Variants in KCNB2 observed in about 807,000 individuals in gnomAD.
KCNB2 encodes the protein potassium voltage-gated channel subfamily B member 2.
KCNB2 carries 15 observed loss-of-function variants against 61.5 expected under a neutral mutation model. The observed-to-expected ratio is 0.24, with a 90% CI of 0.16 to 0.38. KCNB2 has a LOEUF of 0.38. KCNB2 is among the 10% of genes least tolerant of loss of function. KCNB2 has a pLI of 1.00. For synonymous variants in KCNB2, 457 were observed against 446.0 expected (o/e 1.02, Z -0.31); for missense variants, 828 against 1,125.2 (o/e 0.74, Z 3.78).
chr8:72,917,030 C>T (rs1190022707), intron 2 of KCNB2, among the ~76,000 whole-genome samples: 1 of 152,170 alleles, frequency 6.6e-6, no homozygotes, highest in Non-Finnish European at 1.5e-5. Flanking sequence ...TTTTGGGCCA[C>T]AGTATCAGGC....
chr8:72,560,517 A>G (rs1283694549), intron 1 of KCNB2, among the ~76,000 whole-genome samples: 2 of 151,800 alleles, frequency 1.3e-5, no homozygotes, highest in Non-Finnish European at 2.9e-5. Context: ...TGCCTTCCTT[A>G]TTTTTTTCAT....
chr8:72,893,101 A>G (rs1805927568), intron 2 of KCNB2, among the ~76,000 whole-genome samples: 1 of 140,190 alleles, frequency 7.1e-6, no homozygotes, highest in South Asian at 2.2e-4. Flanking sequence ...CAAGTTGATT[A>G]AAAAAAAAAA....
chr8:72,855,180 C>T (rs886739418), intron 2 of KCNB2, among the ~76,000 whole-genome samples: 40 of 152,158 alleles, frequency 2.6e-4, no homozygotes, highest in African/African-American at 9.4e-4. Flanking sequence ...CTGAATCCAT[C>T]GTCCACAGTA....
chr8:72,815,948 G>T (rs1039386022), intron 2 of KCNB2, among the ~76,000 whole-genome samples: 18 of 152,090 alleles, frequency 1.2e-4, no homozygotes, highest in Non-Finnish European at 8.8e-5. Context: ...AAGTGTAATT[G>T]TTTTGAAATA....
At chr8:72,697,451 G>A (rs569101219) in intron 2 of KCNB2, among the ~76,000 whole-genome samples, 1 of 152,182 alleles carries the variant, frequency 6.6e-6, no homozygotes, top group South Asian at 2.1e-4. Flanking sequence ...GGGAGTCATC[G>A]CTCCCTAAAA....
Position 72,742,777 on chromosome 8 carries a change from A to G in KCNB2, c.579+174464A>G, listed in dbSNP as rs564437858. On this transcript the variant is annotated intron_variant, in intron 2 of 2. Transcript: ENST00000523207. ...ATCTCACATCTCCCATCCTTGGCAG[A>G]GTGGGCCAGAGCCAATGCACGGGAT... 1.9e-3 allele frequency among the ~76,000 whole-genome samples: 285 copies of G among 152,314 alleles called. 2 individuals carry two copies. The highest frequency in any genetic ancestry group is 3.5e-3 in the Non-Finnish European group (239 of 68,032).
intron 2 of KCNB2, among the ~76,000 whole-genome samples, chr8:72,735,243 C>A (rs1310254038): frequency 6.6e-6 from 1 of 152,048 alleles, no homozygotes; most frequent in Non-Finnish European, 1.5e-5. Flanking sequence ...GAATTGGTCA[C>A]CAGGAAGTGA....
chr8:72,889,329 C>A (rs1482386739), intron 2 of KCNB2, among the ~76,000 whole-genome samples: 1 of 152,160 alleles, frequency 6.6e-6, no homozygotes, highest in Non-Finnish European at 1.5e-5. Context: ...ACTAGAGGCA[C>A]GTTTTCACAC....
Position 72,813,547 on chromosome 8 carries a change from AC to A in KCNB2, c.580-122387del, listed in dbSNP as rs200799410. On this transcript the variant is annotated intron_variant, in intron 2 of 2. Coordinates refer to ENST00000523207, the MANE Select transcript of KCNB2 (RefSeq NM_004770.3). The stretch of plus-strand genomic sequence containing the variant: ...GGGAAGAAAGGGCCGTCAAAGGTAA[AC>A]TTTGTCAAATTTACTCATTTACCTG... 2.3e-3 allele frequency among the ~76,000 whole-genome samples: 352 copies of A among 152,242 alleles called. 3 individuals carry two copies. Among genetic ancestry groups the A allele is most frequent in the African/African-American group, 7.9e-3 (330 of 41,546 alleles).
intron 2 of KCNB2, among the ~76,000 whole-genome samples, chr8:72,791,659 G>A (rs1563386389): frequency 6.6e-6 from 1 of 152,176 alleles, no homozygotes; most frequent in Non-Finnish European, 1.5e-5. Context: ...GAAATACAGA[G>A]TTCCCTTTGA....
intron 2 of KCNB2, among the ~76,000 whole-genome samples, chr8:72,613,805 T>G (rs564585048): frequency 4.9e-4 from 75 of 152,346 alleles, no homozygotes; most frequent in Admixed American, 2.5e-3. Flanking sequence ...TCCTTTCTTC[T>G]GCTGTAAATT....
chr8:72,678,606 G>C (rs1404369272), intron 2 of KCNB2, among the ~76,000 whole-genome samples: 2 of 152,222 alleles, frequency 1.3e-5, no homozygotes, highest in African/African-American at 4.8e-5. Context: ...CATCTTACCA[G>C]AGAGCATTCT....
chr8:72,796,925 T>C (rs1809040380), intron 2 of KCNB2, among the ~76,000 whole-genome samples: 1 of 152,190 alleles, frequency 6.6e-6, no homozygotes, highest in Non-Finnish European at 1.5e-5. Context: ...TGATAATTCC[T>C]GAGCAGAGAA....
intron 2 of KCNB2, among the ~76,000 whole-genome samples, chr8:72,616,393 C>T (rs898967688): frequency 2.0e-5 from 3 of 152,184 alleles, no homozygotes; most frequent in Admixed American, 1.3e-4. Flanking sequence ...AAGAGTTAAT[C>T]TTACCAGGCT....
At chr8:72,714,533 A>ACCC (rs1807390401) in intron 2 of KCNB2, among the ~76,000 whole-genome samples, 1 of 152,146 alleles carries the variant, frequency 6.6e-6, no homozygotes, top group African/African-American at 2.4e-5. Context: ...AGAATTTTCA[A>ACCC]CCCAGAATTT....
intron 2 of KCNB2, among the ~76,000 whole-genome samples, chr8:72,775,153 C>T (rs970938611): frequency 3.2e-4 from 49 of 152,288 alleles, no homozygotes; most frequent in African/African-American, 1.2e-3. Context: ...GTGAGACCAG[C>T]TCTGCCCTTC....
In KCNB2 at chr8:72,740,654, A is replaced by G. The variant is rs75777198; in HGVS notation, c.579+172341A>G. Among the ~76,000 whole-genome samples, 710 of 152,296 alleles carry G rather than the reference A, an allele frequency of 4.7e-3. 7 individuals carry two copies. Among genetic ancestry groups the G allele is most frequent in the African/African-American group, 0.016 (678 of 41,568 alleles). ...AAATACAATCTTGACTTTCTTCACA[A>G]TGTGCTTCCAGCCCTGAACTCTCCT... On this transcript the variant is annotated intron_variant, in intron 2 of 2. Transcript: ENST00000523207.
chr8:72,682,636 C>T (rs1036003419), intron 2 of KCNB2, among the ~76,000 whole-genome samples: 16 of 151,714 alleles, frequency 1.1e-4, no homozygotes, highest in Non-Finnish European at 1.9e-4. Context: ...CTCTGTTTCC[C>T]AGGATGGAAT....
chr8:72,614,069 G>A (rs900058380), intron 2 of KCNB2, among the ~76,000 whole-genome samples: 4 of 152,246 alleles, frequency 2.6e-5, no homozygotes, highest in South Asian at 4.1e-4. Context: ...ATGAGGAAAC[G>A]TAGCTAGTCA....
Sources: gnomAD v4.1 joint callset for allele counts (sites outside exome capture counted in the v4.1 genomes callset) on GRCh38, gnomAD v4.1.1 for gene constraint, MANE v1.5 for transcripts, NCBI Gene and HGNC (gene_info 2026-07-23, HGNC 2026-07-21) for gene names.